Variants in TJP1 observed in about 807,000 individuals in gnomAD.
TJP1 encodes the protein tight junction protein 1, also known as tight junction protein ZO-1.
Under a neutral mutation model 194.2 loss-of-function variants are expected in TJP1, and 43 were observed. The observed-to-expected ratio is 0.22, with a 90% confidence interval of 0.17 to 0.29. TJP1 has a LOEUF of 0.29. Among genes scored for constraint, TJP1 ranks in the 10% least tolerant of loss-of-function variants. TJP1 has a pLI of 1.00. For synonymous variants in TJP1, 801 were observed against 779.0 expected (o/e 1.03, Z -0.47); for missense variants, 1,971 against 2,185.7 (o/e 0.90, Z 1.96).
intron 8 of TJP1, among the ~76,000 whole-genome samples, chr15:29,755,029 AT>A: frequency 6.6e-6 from 1 of 152,252 alleles, no homozygotes. Flanking sequence ...ACATAAGGAT[AT>A]TTTAATCAAC....
rs2041489820 is a variant in TJP1 at position 29,700,727 on chromosome 15, A to AG, written c.*867_*868insC. The AG allele has an allele frequency of 3.4e-6, 1 of 293,238 alleles. No individual in the cohort carries two copies. The highest frequency in any genetic ancestry group is 6.2e-6 in the Non-Finnish European group (1 of 161,106). The allele number at this position is 293,238 out of a possible 1,614,324, so 18.2% of individuals were successfully genotyped here. A position where few individuals can be genotyped will look rare whatever the true frequency, so the allele number is the denominator to read the frequency against. On this transcript the variant is annotated 3_prime_UTR_variant, in exon 28 of 28. Coordinates refer to ENST00000614355, the MANE Select transcript of TJP1 (RefSeq NM_001330239.4). ...AACCACCACTGCCCCTTGTCAAAAA[A>AG]AAAAAAAAAGAAAAGAAAAGAAAAG...
At chr15:29,717,144 C>T (rs573329134) in intron 22 of TJP1, among the ~76,000 whole-genome samples, 1 of 152,244 alleles carries the variant, frequency 6.6e-6, no homozygotes, top group East Asian at 1.9e-4. Flanking sequence ...GGCAATGTAA[C>T]CGAGACAGTG....
intron 2 of TJP1, among the ~76,000 whole-genome samples, chr15:29,851,073 G>C (rs1040055408): frequency 2.8e-4 from 42 of 152,170 alleles, no homozygotes; most frequent in African/African-American, 9.7e-4. Flanking sequence ...AGGCGGCAGA[G>C]GTTGCAGTGA....
chr15:29,841,281 G>A (rs1406235986), intron 2 of TJP1, among the ~76,000 whole-genome samples: 7 of 152,174 alleles, frequency 4.6e-5, no homozygotes, highest in South Asian at 2.1e-4. Context: ...GCTAGGCTAC[G>A]GCCAAAAGCT....
chr15:29,766,140 TAC>T (rs2046316950), intron 5 of TJP1, 124 bp downstream of exon 5: 1 of 1,288,372 alleles, frequency 7.8e-7, no homozygotes, highest in East Asian at 2.4e-5. Flanking sequence ...GGATTTGACT[TAC>T]AGTGATAGAA....
rs1447983241 is a variant in TJP1 at position 29,958,098 on chromosome 15, C to T, written c.174-1734G>A. On this transcript the variant is annotated intron_variant, in intron 1 of 28. Transcript: ENST00000356107. ...ATTTCAATTGTTTTTTATTAGATGT[C>T]TTGATGTTTATGACACATATCTTCT... Among the ~76,000 whole-genome samples the T allele has an allele frequency of 3.3e-5, 5 of 151,998 alleles. No individual in the cohort carries two copies. In the East Asian group the frequency reaches 9.6e-4, roughly 29 times the overall value.
At chr15:29,781,640 G>A (rs532372760) in intron 2 of TJP1, among the ~76,000 whole-genome samples, 10 of 152,262 alleles carry the variant, frequency 6.6e-5, no homozygotes, top group African/African-American at 1.9e-4. Context: ...CTTTATCCCT[G>A]GGATGCAAGG....
intron 1 of TJP1, among the ~76,000 whole-genome samples, chr15:29,814,192 C>G (rs949592179): frequency 6.6e-6 from 1 of 152,164 alleles, no homozygotes; most frequent in Non-Finnish European, 1.5e-5. Flanking sequence ...TAGAAAATGA[C>G]TTTGTCACCT....
At chr15:29,817,956 C>T (rs972704715) in intron 1 of TJP1, among the ~76,000 whole-genome samples, 2 of 151,426 alleles carry the variant, frequency 1.3e-5, no homozygotes, top group South Asian at 4.2e-4. Flanking sequence ...CCATGGCACA[C>T]GTATACCTAT....
At chr15:29,755,988 C>T (rs2337170) in intron 8 of TJP1, among the ~76,000 whole-genome samples, 5 of 151,814 alleles carry the variant, frequency 3.3e-5, no homozygotes, top group African/African-American at 1.2e-4. Context: ...CTCTAACATA[C>T]AATGTTAGAG....
At chr15:29,864,677 T>C (rs1402881826) in intron 2 of TJP1, among the ~76,000 whole-genome samples, 1 of 151,956 alleles carries the variant, frequency 6.6e-6, no homozygotes. Flanking sequence ...TTCTGGATCT[T>C]TTTTGTGGTG....
chr15:29,818,183 A>G (rs2050066516), intron 1 of TJP1, among the ~76,000 whole-genome samples: 1 of 152,228 alleles, frequency 6.6e-6, no homozygotes, highest in Non-Finnish European at 1.5e-5. Flanking sequence ...AAAACATTTA[A>G]GTATTCAGCA....
At chr15:29,783,317 C>T (rs1239830517) in intron 2 of TJP1, among the ~76,000 whole-genome samples, 1 of 151,850 alleles carries the variant, frequency 6.6e-6, no homozygotes, top group Non-Finnish European at 1.5e-5. Flanking sequence ...TCACACCTGT[C>T]AGAATGGCTA....
At chr15:29,808,385 A>C (rs1453199603) in intron 1 of TJP1, among the ~76,000 whole-genome samples, 1 of 152,244 alleles carries the variant, frequency 6.6e-6, no homozygotes, top group Non-Finnish European at 1.5e-5. Flanking sequence ...TTCGGGACGT[A>C]AAGTAAATGT....
intron 8 of TJP1, among the ~76,000 whole-genome samples, chr15:29,745,371 T>C (rs1368108587): frequency 6.7e-6 from 1 of 150,194 alleles, no homozygotes; most frequent in Non-Finnish European, 1.5e-5. Context: ...ATAATTTTAA[T>C]TACATAAAAA....
At chr15:29,931,918 A>G (rs563929999) in intron 2 of TJP1, among the ~76,000 whole-genome samples, 1 of 152,296 alleles carries the variant, frequency 6.6e-6, no homozygotes, top group Non-Finnish European at 1.5e-5. Flanking sequence ...TTTTTACACC[A>G]TGTAGGGTAA....
chr15:29,720,252 T>C, intron 19 of TJP1, 106 bp downstream of exon 19: 1 of 1,168,404 alleles, frequency 8.6e-7, no homozygotes, highest in South Asian at 1.6e-5. Context: ...GAAGATTAAT[T>C]CTTAATCTGG....
intron 2 of TJP1, among the ~76,000 whole-genome samples, chr15:29,784,238 GACT>G (rs2047557296): frequency 6.6e-6 from 1 of 151,960 alleles, no homozygotes; most frequent in African/African-American, 2.4e-5. Context: ...AACTCAGGAG[GACT>G]AATACCAAAA....
At chr15:29,968,420 C>T (rs1394226977) in intron 1 of TJP1, 1 of 984,744 alleles carries the variant, frequency 1.0e-6, no homozygotes, top group Non-Finnish European at 1.2e-6. Context: ...TCGCCCTACG[C>T]GCCGCGGGCA....
Sources: allele counts gnomAD v4.1 joint callset (sites outside exome capture counted in the v4.1 genomes callset), GRCh38; gene constraint gnomAD v4.1.1; transcripts MANE v1.5; gene names NCBI Gene and HGNC (gene_info 2026-07-23, HGNC 2026-07-21).